Variants in C1orf105 observed in about 807,000 individuals in gnomAD.
The protein encoded by C1orf105 is chromosome 1 open reading frame 105, also known as uncharacterized protein C1orf105.
Under a neutral mutation model 20.8 loss-of-function variants are expected in C1orf105, and 17 were observed. The observed-to-expected ratio is 0.82, with a 90% CI of 0.56 to 1.23. The LOEUF is 1.23. C1orf105 is among the 50% of genes most tolerant of loss of function. The pLI is 0.00. For synonymous variants in C1orf105, 72 were observed against 72.1 expected (o/e 1.00, Z 0.01); for missense variants, 219 against 213.5 (o/e 1.03, Z -0.16).
At chr1:172,455,528 G>C (rs1159752530) in intron 3 of C1orf105, among the ~76,000 whole-genome samples, 1 of 152,230 alleles carries the variant, frequency 6.6e-6, no homozygotes, top group Non-Finnish European at 1.5e-5. Flanking sequence ...GGAAGGTTAA[G>C]AGAGAATCCC....
In C1orf105 at chr1:172,445,157, A is replaced by C. The variant is rs1249541975; in HGVS notation, c.106A>C (p.Arg36=). 10 of 1,609,782 alleles carry C rather than the reference A, an allele frequency of 6.2e-6. No homozygotes were observed. Among genetic ancestry groups the C allele is most frequent in the Non-Finnish European group, 8.5e-6 (10 of 1,178,240 alleles). Reference sequence around the variant, plus strand: ...GCCATTAGTGCTCAGCCTTCCCAGAAGGTAACCTCTCAGCCACCGAGGGCA... The same window carrying C: ...GCCATTAGTGCTCAGCCTTCCCAGACGGTAACCTCTCAGCCACCGAGGGCA... ...NKPLVLSLPR[R]YPHTSATFLT... is the part of the protein sequence containing the mutation. Residue 36 remains arginine, a splice_region_variant and synonymous_variant, in exon 2 of 7, where the codon AGA becomes CGA. Coordinates refer to ENST00000367727, the MANE Select transcript of C1orf105 (RefSeq NM_139240.4).
In C1orf105 at chr1:172,465,282, T is replaced by C; in HGVS notation, c.342-17T>C. The C allele has an allele frequency of 1.3e-6, 2 of 1,595,172 alleles. No homozygotes were observed. The highest frequency in any genetic ancestry group is 1.7e-4 in the Middle Eastern group (1 of 6,018). On this transcript the variant is annotated splice_polypyrimidine_tract_variant and intron_variant, in intron 5 of 6. Transcript: ENST00000367727. ...CTAGCCAATTGACTAATGTGTTTTC[T>C]TGTTTCTTCCAATCAGAATGAGTCT...
At chr1:172,455,705 C>T (rs1558141561) in intron 3 of C1orf105, among the ~76,000 whole-genome samples, 1 of 152,198 alleles carries the variant, frequency 6.6e-6, no homozygotes, top group African/African-American at 2.4e-5. Context: ...TGAGCAGACA[C>T]GGTGCCCCTC....
In C1orf105 at chr1:172,431,258, C is replaced by A. The variant is rs2071865817; in HGVS notation, c.21+10352C>A. 1.4e-5 allele frequency: 6 copies of A among 436,198 alleles called. No individual in the cohort carries two copies. In the East Asian group the frequency reaches 1.7e-4, roughly 12 times the overall value. 27.0% of individuals were successfully genotyped at this position (436,198 alleles called of 1,614,324 possible). On this transcript the variant is annotated intron_variant, in intron 1 of 6. Transcript: ENST00000367727. ...GTGACAAACAGCCAAGTTGTGAATG[C>A]AAATAAAAAGTTATTGAAGGAAATT...
chr1:172,424,397 A>G (rs1290012896), intron 1 of C1orf105, among the ~76,000 whole-genome samples: 1 of 152,004 alleles, frequency 6.6e-6, no homozygotes, highest in Non-Finnish European at 1.5e-5. Context: ...TCTCTTTTTT[A>G]TTTTGTTTTT....
chr1:172,436,493 A>G (rs938666573), intron 1 of C1orf105, among the ~76,000 whole-genome samples: 3 of 152,212 alleles, frequency 2.0e-5, no homozygotes, highest in Non-Finnish European at 2.9e-5. Flanking sequence ...CAATGGGGAA[A>G]GGAATCCTGA....
At chr1:172,426,466 A>G (rs2071725005) in intron 1 of C1orf105, among the ~76,000 whole-genome samples, 2 of 151,974 alleles carry the variant, frequency 1.3e-5, no homozygotes, top group African/African-American at 4.8e-5. Flanking sequence ...CACTCCCTCC[A>G]GTGATACTCC....
intron 5 of C1orf105, among the ~76,000 whole-genome samples, chr1:172,464,267 G>A (rs1649891671): frequency 6.6e-6 from 1 of 152,080 alleles, no homozygotes. Context: ...ATAATAGAAG[G>A]GGTTTTGCTT....
At chr1:172,442,039 CG>C in intron 1 of C1orf105, 2 of 1,614,072 alleles carry the variant, frequency 1.2e-6, no homozygotes, top group East Asian at 2.2e-5. Flanking sequence ...ATGCAGGGAC[CG>C]GGGAAGACGT....
chr1:172,441,040 G>C (rs1490296450), intron 1 of C1orf105, among the ~76,000 whole-genome samples: 1 of 152,118 alleles, frequency 6.6e-6, no homozygotes, highest in Admixed American at 6.5e-5. Flanking sequence ...GCCTATTTAA[G>C]TCTCCCCTGT....
intron 1 of C1orf105, 30 bp from the exon 2 acceptor site, chr1:172,445,043 T>C (rs773092739): frequency 6.4e-7 from 1 of 1,558,904 alleles, no homozygotes; most frequent in African/African-American, 1.4e-5. Context: ...GTGTGATATA[T>C]TCTGTAAAAT....
intron 1 of C1orf105, chr1:172,428,692 T>C (rs1243590123): frequency 1.7e-6 from 1 of 594,310 alleles, no homozygotes; most frequent in Non-Finnish European, 2.9e-6. Context: ...TTTTTCTTTT[T>C]TCCATAGCAC....
chr1:172,449,847 C>G (rs898606460), intron 3 of C1orf105, among the ~76,000 whole-genome samples: 1 of 152,200 alleles, frequency 6.6e-6, no homozygotes, highest in Non-Finnish European at 1.5e-5. Flanking sequence ...CAGCAAGAAG[C>G]CTTCCAGTCA....
intron 1 of C1orf105, among the ~76,000 whole-genome samples, chr1:172,421,689 CAGTGATCACAA>C (rs2071594119): frequency 6.6e-6 from 1 of 152,172 alleles, no homozygotes; most frequent in Non-Finnish European, 1.5e-5. Context: ...AACCAAAAAT[CAGTGATCACAA>C]AGTGATCACA....
At chr1:172,444,383 G>A (rs1647730965) in intron 1 of C1orf105, 1 of 827,204 alleles carries the variant, frequency 1.2e-6, no homozygotes, top group Non-Finnish European at 1.5e-6. Flanking sequence ...CCTCAGCTGG[G>A]ACTTCCCGTG....
At chr1:172,440,685 T>G (rs548033137) in intron 1 of C1orf105, among the ~76,000 whole-genome samples, 1 of 152,246 alleles carries the variant, frequency 6.6e-6, no homozygotes, top group Admixed American at 6.5e-5. Context: ...GGCCATCAAA[T>G]ATTGTCCCAT....
At chr1:172,441,178 A>C (rs1647255680) in intron 1 of C1orf105, among the ~76,000 whole-genome samples, 1 of 152,210 alleles carries the variant, frequency 6.6e-6, no homozygotes, top group South Asian at 2.1e-4. Flanking sequence ...CTGCTTTGCA[A>C]TTAGTTGTGA....
chr1:172,443,812 G>A, intron 1 of C1orf105: 2 of 278,632 alleles, frequency 7.2e-6, no homozygotes, highest in Non-Finnish European at 1.2e-5. Flanking sequence ...GGCTGGGAGG[G>A]GACGGGGTAG....
rs1455405518 is a variant in C1orf105, at chr1:172,462,178, G to A, written c.274G>A (p.Val92Ile). ...LCSTCQEMKM[V>I]QPRTMKIPDD... Reference sequence around the variant, plus strand: ...TTCTAAATGAGACTTTCTTCTTGAGGTACAACCAAGAACAATGAAAATCCC... The same window carrying A: ...TTCTAAATGAGACTTTCTTCTTGAGATACAACCAAGAACAATGAAAATCCC... Residue 92 changes from valine (V) to isoleucine (I), a missense_variant and splice_region_variant, in exon 5 of 7, where the codon GTA becomes ATA. Transcript: ENST00000367727. The A allele has an allele frequency of 1.9e-6, 3 of 1,607,174 alleles. No individual in the cohort carries two copies. The highest frequency in any genetic ancestry group is 2.6e-6 in the Non-Finnish European group (3 of 1,175,970).
Sources: allele counts gnomAD v4.1 joint callset (sites outside exome capture counted in the v4.1 genomes callset), GRCh38; gene constraint gnomAD v4.1.1; transcripts MANE v1.5; gene names NCBI Gene and HGNC (gene_info 2026-07-23, HGNC 2026-07-21).